Variants in ANKRD36C observed in about 807,000 individuals in gnomAD.
ANKRD36C encodes ankyrin repeat domain-containing protein 36C.
Under a neutral mutation model 276.4 loss-of-function variants are expected in ANKRD36C, and 61 were observed. That is an observed-to-expected ratio of 0.22 (90% confidence interval 0.18 to 0.27). The LOEUF (loss-of-function observed/expected upper bound fraction) is 0.27. ANKRD36C is among the 10% of genes least tolerant of loss of function. ANKRD36C has a pLI of 1.00. For missense variants in ANKRD36C, 1,447 were observed against 2,032.3 expected, an observed-to-expected ratio of 0.71 and a Z score of 5.54; for synonymous variants, 483 against 680.1, an observed-to-expected ratio of 0.71 and a Z score of 4.51.
intron 6 of ANKRD36C, among the ~76,000 whole-genome samples, chr2:95,977,305 T>C (rs1678830596): frequency 6.6e-6 from 1 of 152,170 alleles, no homozygotes; most frequent in Admixed American, 6.5e-5. Context: ...TGCTTCTGCT[T>C]TATATTTCTA....
intron 10 of ANKRD36C, among the ~76,000 whole-genome samples, chr2:95,959,874 C>G (rs1464384533): frequency 2.0e-4 from 30 of 152,266 alleles, no homozygotes. Flanking sequence ...TCCAGTAGTT[C>G]CAGGAGCAGC....
chr2:95,868,212 G>A (rs1431668679), intron 59 of ANKRD36C, among the ~76,000 whole-genome samples: 2 of 151,708 alleles, frequency 1.3e-5, no homozygotes, highest in East Asian at 1.9e-4. Context: ...TTGCACTACA[G>A]TTGTCACATA....
intron 13 of ANKRD36C, among the ~76,000 whole-genome samples, chr2:95,956,143 T>A (rs1043200684): frequency 6.6e-6 from 1 of 152,156 alleles, no homozygotes; most frequent in African/African-American, 2.4e-5. Flanking sequence ...TTTTAATATA[T>A]GCTAAATATA....
At chr2:95,963,340 T>A (rs1259962517) in intron 6 of ANKRD36C, among the ~76,000 whole-genome samples, 1 of 152,076 alleles carries the variant, frequency 6.6e-6, no homozygotes, top group Non-Finnish European at 1.5e-5. Flanking sequence ...ACTCCAATAT[T>A]CATTGAAAAT....
chr2:95,927,311 A>T, intron 27 of ANKRD36C, 25 bp from the exon 28 acceptor site: 1 of 1,608,918 alleles, frequency 6.2e-7, no homozygotes, highest in Non-Finnish European at 8.5e-7. Context: ...AAACAAAATA[A>T]TCAATACGTA....
At chr2:95,948,946 C>A (rs536238155) in intron 16 of ANKRD36C, among the ~76,000 whole-genome samples, 2 of 152,178 alleles carry the variant, frequency 1.3e-5, no homozygotes, top group South Asian at 4.2e-4. Flanking sequence ...ACTGAAAATC[C>A]AATTGATATC....
exon 63 of ANKRD36C, chr2:95,855,685 C>T: frequency 6.2e-7 from 1 of 1,612,044 alleles, no homozygotes. Context: ...GTTTCGAGGA[C>T]TCTGAACTTA....
At chr2:95,944,443 T>C (rs529208194) in intron 19 of ANKRD36C, among the ~76,000 whole-genome samples, 184 bp downstream of exon 19, 3 of 152,348 alleles carry the variant, frequency 2.0e-5, no homozygotes, top group Non-Finnish European at 2.9e-5. Flanking sequence ...CATTCCTTTA[T>C]AGGATCCTTG....
chr2:95,960,426 C>T, intron 10 of ANKRD36C, 47 bp downstream of exon 10: 1 of 1,539,202 alleles, frequency 6.5e-7, no homozygotes, highest in Non-Finnish European at 8.7e-7. Context: ...GGGAAGTTCT[C>T]CTCTATCTTC....
Position 95,908,466 on chromosome 2 carries a change from G to C in ANKRD36C, c.2653+3778C>G, listed in dbSNP as rs1443714306. 7.5e-6 allele frequency: 11 copies of C among 1,467,306 alleles called. No homozygotes were observed. In the Admixed American group the frequency reaches 1.0e-4, roughly 14 times the overall value. 90.9% of individuals were successfully genotyped at this position (1,467,306 alleles called of 1,614,324 possible). A position where few individuals can be genotyped will look rare whatever the true frequency, so the allele number is the denominator to read the frequency against. The stretch of plus-strand genomic sequence containing the variant: ...CGGAAGAGAATTTCTTATCTATCTG[G>C]ACTGAACATGACATTAAATCTCTTT... On this transcript the variant is annotated intron_variant, in intron 42 of 66. Transcript: ENST00000456556.
intron 12 of ANKRD36C, 135 bp from the exon 13 acceptor site, chr2:95,956,951 A>G: frequency 6.4e-6 from 5 of 776,418 alleles, no homozygotes; most frequent in Non-Finnish European, 1.0e-5. Context: ...ATCACTTGAG[A>G]AGCCCAGGCA....
chr2:95,974,875 T>C (rs1678773599), intron 6 of ANKRD36C, among the ~76,000 whole-genome samples: 1 of 144,116 alleles, frequency 6.9e-6, no homozygotes, highest in South Asian at 2.3e-4. Context: ...CATTGTTCAA[T>C]TCCCACCTAT....
chr2:95,916,111 C>A, intron 37 of ANKRD36C, 32 bp downstream of exon 39: 1 of 1,605,210 alleles, frequency 6.2e-7, no homozygotes, highest in South Asian at 1.1e-5. Flanking sequence ...TATACGTTTA[C>A]TAGCTCACAA....
chr2:95,875,715 C>A (rs1384391460), intron 59 of ANKRD36C, among the ~76,000 whole-genome samples: 1 of 152,076 alleles, frequency 6.6e-6, no homozygotes, highest in Non-Finnish European at 1.5e-5. Context: ...CAAATTCTTA[C>A]ATTTTAATGC....
intron 6 of ANKRD36C, 124 bp from the exon 7 acceptor site, chr2:95,962,671 A>C: frequency 7.9e-7 from 1 of 1,271,176 alleles, no homozygotes; most frequent in Non-Finnish European, 1.1e-6. Flanking sequence ...TTTATGTTTT[A>C]TACTTTGTGT....
chr2:95,913,830 G>C (rs1469479857), intron 40 of ANKRD36C, among the ~76,000 whole-genome samples: 1 of 151,406 alleles, frequency 6.6e-6, no homozygotes, highest in Admixed American at 6.6e-5. Context: ...GAGAATTAAA[G>C]CAAAATTATG....
At position 95,893,840 on chromosome 2, in the gene ANKRD36C, A is replaced by C. The variant is rs566132354; in HGVS notation, c.2756-1980T>G. 2,964 of 1,544,114 alleles carry C rather than the reference A, an allele frequency of 1.9e-3. 15 individuals are homozygous for C. Among genetic ancestry groups the C allele is most frequent in the Non-Finnish European group, 2.3e-3 (2,688 of 1,144,494 alleles). Reference sequence around the variant, plus strand: ...TCCTGCCTGTATTAGCGTAGGCTTTAATGGCTTCTACTTTGTGTCTGGGGA... The same window carrying C: ...TCCTGCCTGTATTAGCGTAGGCTTTCATGGCTTCTACTTTGTGTCTGGGGA... On this transcript the variant is annotated intron_variant, in intron 44 of 66. Coordinates refer to ENST00000456556, the Ensembl canonical transcript of ANKRD36C.
intron 61 of ANKRD36C, among the ~76,000 whole-genome samples, chr2:95,858,750 AG>A (rs541697055): frequency 2.6e-3 from 403 of 152,316 alleles, no homozygotes; most frequent in African/African-American, 9.1e-3. Context: ...ATCCAAGACT[AG>A]GTTAAGAATG....
intron 32 of ANKRD36C, among the ~76,000 whole-genome samples, chr2:95,922,667 T>A (rs1558641306): frequency 2.0e-5 from 3 of 151,780 alleles, no homozygotes; most frequent in Middle Eastern, 3.4e-3. Flanking sequence ...TTTAAAATTG[T>A]CTTGTTAGGA....
Sources: gnomAD v4.1 joint callset for allele counts (sites outside exome capture counted in the v4.1 genomes callset) on GRCh38, gnomAD v4.1.1 for gene constraint, MANE v1.5 for transcripts, NCBI Gene and HGNC (gene_info 2026-07-23, HGNC 2026-07-21) for gene names.